Variants in LRIG3 observed in about 807,000 individuals in gnomAD.
The protein encoded by LRIG3 is leucine rich repeats and immunoglobulin like domains 3, also known as leucine-rich repeats and immunoglobulin-like domains protein 3.
Under a neutral mutation model 114.5 loss-of-function variants are expected in LRIG3, and 76 were observed. The observed-to-expected ratio is 0.66, with a 90% CI of 0.55 to 0.80. The LOEUF (loss-of-function observed/expected upper bound fraction) is 0.80. LRIG3 is among the 30% of genes least tolerant of loss of function. LRIG3 has a pLI of 0.00. For synonymous variants in LRIG3, 512 were observed against 519.8 expected (o/e 0.98, Z 0.20); for missense variants, 1,239 against 1,382.8 (o/e 0.90, Z 1.65).
At chr12:58,873,397 T>C (rs1343355252) in intron 18 of LRIG3, among the ~76,000 whole-genome samples, 4 of 152,210 alleles carry the variant, frequency 2.6e-5, no homozygotes, top group Non-Finnish European at 5.9e-5. Flanking sequence ...TTGAAAATTC[T>C]CCTTTTTTAA....
chr12:58,903,321 GTGA>G (rs1373282430), intron 3 of LRIG3, among the ~76,000 whole-genome samples: 1 of 152,214 alleles, frequency 6.6e-6, no homozygotes, highest in Non-Finnish European at 1.5e-5. Flanking sequence ...CTGATGGCCA[GTGA>G]TGATGAGCAT....
intron 6 of LRIG3, 43 bp downstream of exon 6, chr12:58,888,776 T>G (rs142818980): frequency 6.2e-7 from 1 of 1,601,968 alleles, no homozygotes; most frequent in Non-Finnish European, 8.5e-7. Flanking sequence ...GAGCATTCTA[T>G]GATCATACTA....
At chr12:58,902,354 A>C (rs577731507) in intron 3 of LRIG3, among the ~76,000 whole-genome samples, 2 of 152,284 alleles carry the variant, frequency 1.3e-5, no homozygotes, top group African/African-American at 4.8e-5. Context: ...TGCACACTAA[A>C]AATGACAGTC....
intron 3 of LRIG3, among the ~76,000 whole-genome samples, chr12:58,903,675 C>G (rs1468882933): frequency 6.6e-6 from 1 of 151,838 alleles, no homozygotes; most frequent in Admixed American, 6.6e-5. Context: ...CCTAGGTTTT[C>G]TTCTAGGGTT....
chr12:58,915,945 G>A (rs1165246755), intron 1 of LRIG3, among the ~76,000 whole-genome samples: 1 of 152,244 alleles, frequency 6.6e-6, no homozygotes, highest in Non-Finnish European at 1.5e-5. Context: ...GTCTCATTTG[G>A]ACCCACTTAA....
At chr12:58,900,774 T>C (rs1280691200) in intron 3 of LRIG3, among the ~76,000 whole-genome samples, 1 of 152,232 alleles carries the variant, frequency 6.6e-6, no homozygotes, top group Non-Finnish European at 1.5e-5. Context: ...TCTGATATGG[T>C]ACACAGACCA....
chr12:58,879,205 TTG>T, intron 13 of LRIG3, 100 bp from the exon 14 acceptor site: 1 of 1,349,480 alleles, frequency 7.4e-7, no homozygotes, highest in Non-Finnish European at 1.0e-6. Context: ...TACTTACAGA[TTG>T]TCCCTGACAT....
chr12:58,908,394 T>C (rs1373798599), intron 3 of LRIG3, among the ~76,000 whole-genome samples: 1 of 152,096 alleles, frequency 6.6e-6, no homozygotes, highest in Non-Finnish European at 1.5e-5. Context: ...AGTTCAGAAA[T>C]GTGAAGGGCA....
intron 14 of LRIG3, 91 bp from the exon 15 acceptor site, chr12:58,877,943 C>T: frequency 7.7e-7 from 1 of 1,305,186 alleles, no homozygotes; most frequent in Non-Finnish European, 1.0e-6. Flanking sequence ...AAATTGTAAC[C>T]TAAAATTTTA....
At position 58,920,226 on chromosome 12, in the gene LRIG3, G is replaced by A. The variant is rs551694376; in HGVS notation, c.10C>T (p.Pro4Ser). The A allele has an allele frequency of 5.8e-6, 8 of 1,384,120 alleles. No homozygotes were observed. In the South Asian group the frequency reaches 1.3e-4, roughly 23 times the overall value. The allele number at this position is 1,384,120 out of a possible 1,614,324, so 85.7% of individuals were successfully genotyped here. A position where few individuals can be genotyped will look rare whatever the true frequency, so the allele number is the denominator to read the frequency against. Reference protein sequence around the residue: MSAPSLRARAAGLG... With the variant: MSASSLRARAAGLG... ...CCCGCGGCGCGCGCACGGAGGCTCG[G>A]CGCGCTCATCGCGGTCCAGCGGCCT... The change falls in exon 1 of 19, where the codon CCG (proline) becomes TCG (serine). Residue 4 changes from proline to serine, a missense_variant. By Grantham distance (74) the Pro-to-Ser change is moderately conservative. Coordinates refer to ENST00000320743, the MANE Select transcript of LRIG3 (RefSeq NM_153377.5).
intron 8 of LRIG3, 30 bp downstream of exon 8, chr12:58,887,759 C>A (rs1032479502): frequency 6.2e-7 from 1 of 1,606,832 alleles, no homozygotes; most frequent in African/African-American, 1.3e-5. Flanking sequence ...CAATTACGTT[C>A]GAGTACTGAC....
At chr12:58,898,811 A>G (rs1871737904) in intron 3 of LRIG3, among the ~76,000 whole-genome samples, 1 of 152,116 alleles carries the variant, frequency 6.6e-6, no homozygotes, top group African/African-American at 2.4e-5. Context: ...GGCACATGCC[A>G]CCACGCCCAG....
At chr12:58,886,914 T>C (rs1871294255) in intron 8 of LRIG3, 24 bp from the exon 9 acceptor site, 3 of 1,590,474 alleles carry the variant, frequency 1.9e-6, no homozygotes, top group Non-Finnish European at 2.6e-6. Context: ...AAGCATTCCC[T>C]TTAGAGTGAT....
chr12:58,875,632 C>T (rs1183240095), intron 16 of LRIG3, among the ~76,000 whole-genome samples: 2 of 152,176 alleles, frequency 1.3e-5, no homozygotes, highest in Non-Finnish European at 1.5e-5. Context: ...TGTATGTGCC[C>T]CACAGTACAT....
chr12:58,889,821 G>T (rs1038384528), intron 5 of LRIG3, among the ~76,000 whole-genome samples, 175 bp downstream of exon 5: 1 of 152,012 alleles, frequency 6.6e-6, no homozygotes, highest in Non-Finnish European at 1.5e-5. Context: ...ACGAGGTGAC[G>T]AGATGATGTT....
At position 58,914,022 on chromosome 12, in the gene LRIG3, T is replaced by C; in HGVS notation, c.343A>G (p.Asn115Asp). The C allele has an allele frequency of 6.2e-7, 1 of 1,612,458 alleles. No homozygotes were observed. ...LNNNELETIP[N>D]LGPVSANITL... ...ATATTTGCCGAGACTGGTCCCAGAT[T>C]TGGAATGGTCTCCAATTCATTGTTG... Residue 115 changes from asparagine (N) to aspartate (D), a missense_variant, in exon 3 of 19, where the codon AAT (asparagine) becomes GAT (aspartate). Physicochemically the swap from Asn to Asp is conservative, Grantham distance 23. Transcript: ENST00000320743.
chr12:58,912,872 G>GT (rs1056455340), intron 3 of LRIG3, among the ~76,000 whole-genome samples: 11 of 152,332 alleles, frequency 7.2e-5, no homozygotes, highest in Admixed American at 6.5e-4. Flanking sequence ...GCATAAAAAT[G>GT]TTTTTTAAAT....
chr12:58,875,462 T>A (rs1166715968), intron 16 of LRIG3, among the ~76,000 whole-genome samples: 1 of 152,200 alleles, frequency 6.6e-6, no homozygotes, highest in East Asian at 1.9e-4. Flanking sequence ...CCAACTACAA[T>A]GTCTGGCACA....
At chr12:58,900,533 T>C (rs1316187547) in intron 3 of LRIG3, among the ~76,000 whole-genome samples, 3 of 152,160 alleles carry the variant, frequency 2.0e-5, no homozygotes, top group African/African-American at 7.2e-5. Flanking sequence ...TCTATAGAAA[T>C]TCAATGAATG....
Sources: gnomAD v4.1 joint callset for allele counts (sites outside exome capture counted in the v4.1 genomes callset) on GRCh38, gnomAD v4.1.1 for gene constraint, MANE v1.5 for transcripts, NCBI Gene and HGNC (gene_info 2026-07-23, HGNC 2026-07-21) for gene names.